The following FSIP2 variants were observed in gnomAD, a reference collection of about 807,000 sequenced individuals.
FSIP2 encodes the protein fibrous sheath-interacting protein 2.
FSIP2 carries 367 observed loss-of-function variants against 510.5 expected under a neutral mutation model. The ratio of observed to expected loss-of-function variants is 0.72; its 90% CI spans 0.66 to 0.78. The LOEUF is 0.78. Ranked by LOEUF, FSIP2 falls within the 30% of genes least tolerant of loss-of-function variation. The probability of loss-of-function intolerance (pLI) is 0.00; values close to 1 mark genes in which losing one functional copy is unlikely to be tolerated. For synonymous variants in FSIP2, 2,601 were observed against 2,732.2 expected (o/e 0.95, Z 1.50); for missense variants, 7,594 against 7,901.7 (o/e 0.96, Z 1.48).
chr2:185,795,086 G>A lies in FSIP2; in HGVS notation c.7950G>A (p.Val2650=). The change falls in exon 16 of 23, where the codon GTG becomes GTA. Residue 2650 remains valine (V), a synonymous_variant. Transcript: ENST00000424728. Reference sequence around the variant, plus strand: ...ATTTTGTCTCACTTCCTTTAAAGGTGAGCCCTAAGGACAACCCTAAGCCAT... The same window carrying A: ...ATTTTGTCTCACTTCCTTTAAAGGTAAGCCCTAAGGACAACCCTAAGCCAT... The part of the protein sequence containing the change: ...ITNFVSLPLK[V]SPKDNPKPCF... 6.5e-7 allele frequency: 1 copy of A among 1,534,696 alleles called. No individual in the cohort carries two copies. Among genetic ancestry groups the A allele is most frequent in the Non-Finnish European group, 8.7e-7 (1 of 1,146,022 alleles).
intron 19 of FSIP2, among the ~76,000 whole-genome samples, chr2:185,815,967 G>T (rs1267945922): frequency 2.0e-5 from 3 of 151,994 alleles, no homozygotes; most frequent in East Asian, 3.9e-4. Context: ...ATACACAAGT[G>T]AAAGACAATC....
chr2:185,777,957 TTAAAATAAA>T (rs1338539939), intron 13 of FSIP2, among the ~76,000 whole-genome samples: 3 of 152,060 alleles, frequency 2.0e-5, no homozygotes, highest in Non-Finnish European at 4.4e-5. Flanking sequence ...GAAGTCACTG[TTAAAATAAA>T]TAACCTAGTT....
In FSIP2 at chr2:185,744,429, ATTTGG is replaced by A; in HGVS notation, c.477+22_477+26del. ...AAGAACAAGTAAGTTAAATACTTAA[ATTTGG>A]TTTATTTACATAGAGTTTGGAAGAA... is the stretch of plus-strand genomic sequence containing the variant. On this transcript the variant is annotated intron_variant, in intron 4 of 22. Transcript: ENST00000424728. 1 of 664,460 alleles carries A rather than the reference ATTTGG, an allele frequency of 1.5e-6. No homozygotes were observed. Among genetic ancestry groups the A allele is most frequent in the Non-Finnish European group, 2.2e-6 (1 of 447,676 alleles). The allele number at this position is 664,460 out of a possible 1,614,324, so 41.2% of individuals were successfully genotyped here. A position where few individuals can be genotyped will look rare whatever the true frequency, so the allele number is the denominator to read the frequency against.
Position 185,799,625 on chromosome 2 carries a change from TA to T in FSIP2, c.10391-70del. 10 of 737,822 alleles carry T rather than the reference TA, an allele frequency of 1.4e-5. 1 individual carries two copies. The allele number at this position is 737,822 out of a possible 1,614,324, so 45.7% of individuals were successfully genotyped here. On this transcript the variant is annotated intron_variant, in intron 16 of 22. Transcript: ENST00000424728. The stretch of plus-strand genomic sequence containing the variant: ...AAGGGTGAAATATATATGTAAATAA[TA>T]ATTTCAAATATATTGAATTTTCTAT...
chr2:185,809,487 T>C (rs960191626), intron 17 of FSIP2, among the ~76,000 whole-genome samples: 1 of 152,090 alleles, frequency 6.6e-6, no homozygotes, highest in Non-Finnish European at 1.5e-5. Flanking sequence ...TATAGTTCCT[T>C]AGTTCGTTAT....
chr2:185,819,384 CAA>C (rs1179456282), intron 19 of FSIP2, among the ~76,000 whole-genome samples: 1 of 151,798 alleles, frequency 6.6e-6, no homozygotes, highest in Non-Finnish European at 1.5e-5. Context: ...ACACTTTAAT[CAA>C]AAGAGATAGA....
chr2:185,773,574 CTG>C (rs1373795497), intron 13 of FSIP2, among the ~76,000 whole-genome samples: 4 of 152,180 alleles, frequency 2.6e-5, no homozygotes, highest in Non-Finnish European at 5.9e-5. Flanking sequence ...GTTTCTAATG[CTG>C]TGTCTTTGAG....
chr2:185,792,997 T>G lies in FSIP2; in HGVS notation c.5861T>G (p.Ile1954Ser). 6.5e-7 allele frequency: 1 copy of G among 1,534,482 alleles called. No homozygotes were observed. The highest frequency in any genetic ancestry group is 8.7e-7 in the Non-Finnish European group (1 of 1,145,696). The change falls in exon 16 of 23, where the codon ATT (isoleucine) becomes AGT (serine). Residue 1954 changes from isoleucine (I) to serine (S), a missense_variant. By Grantham distance (142) the Ile-to-Ser change is moderately radical. Coordinates refer to ENST00000424728, the MANE Select transcript of FSIP2 (RefSeq NM_173651.4). ...VNFTVPVALP[I>S]QQDHSTLSKA... is the part of the protein sequence containing the mutation. ...TTTACAGTTCCAGTGGCTTTACCTA[T>G]TCAGCAAGATCACAGTACATTGAGC... is the stretch of plus-strand genomic sequence containing the variant.
At chr2:185,758,126 A>G (rs977559984) in intron 9 of FSIP2, among the ~76,000 whole-genome samples, 3 of 151,360 alleles carry the variant, frequency 2.0e-5, no homozygotes, top group Non-Finnish European at 4.4e-5. Flanking sequence ...TTTACTCAGC[A>G]TAATACCCTG....
At position 185,793,167 on chromosome 2, in the gene FSIP2, T is replaced by A; in HGVS notation, c.6031T>A (p.Leu2011Ile). 1.3e-6 allele frequency: 2 copies of A among 1,534,088 alleles called. No homozygotes were observed. Among genetic ancestry groups the A allele is most frequent in the Non-Finnish European group, 1.7e-6 (2 of 1,145,520 alleles). The stretch of plus-strand genomic sequence containing the variant: ...TGCACTACAAGTGGCTAGAAGAAAT[T>A]TACAAGGAATCAAACAGGAATTAGA... ...TYALQVARRN[L>I]QGIKQELDKE... Residue 2011 changes from leucine (L) to isoleucine (I), a missense_variant, in exon 16 of 23, where the codon TTA becomes ATA. By Grantham distance (5) the Leu-to-Ile change is conservative. Coordinates refer to ENST00000424728, the MANE Select transcript of FSIP2 (RefSeq NM_173651.4).
chr2:185,775,494 G>A (rs1186166885), intron 13 of FSIP2, among the ~76,000 whole-genome samples: 1 of 151,764 alleles, frequency 6.6e-6, no homozygotes, highest in Non-Finnish European at 1.5e-5. Context: ...TGTCAGATGA[G>A]TAGGTTGCGA....
At chr2:185,742,838 C>A (rs1227834833) in intron 2 of FSIP2, among the ~76,000 whole-genome samples, 1 of 152,150 alleles carries the variant, frequency 6.6e-6, no homozygotes, top group Non-Finnish European at 1.5e-5. Context: ...AAACTATATG[C>A]TATTCCCTTT....
intron 13 of FSIP2, among the ~76,000 whole-genome samples, chr2:185,777,823 T>G (rs1692760726): frequency 6.6e-6 from 1 of 152,124 alleles, no homozygotes; most frequent in South Asian, 2.1e-4. Context: ...TCCTTTCTCA[T>G]AGTATCCTGA....
At chr2:185,788,079 AG>A (rs1693031246) in intron 15 of FSIP2, 1 of 151,664 alleles carries the variant, frequency 6.6e-6, no homozygotes. Flanking sequence ...AATTAACTTT[AG>A]TCATTCCTAT....
chr2:185,802,403 A>G lies in FSIP2; in HGVS notation c.13097A>G (p.Asn4366Ser). The G allele has an allele frequency of 4.6e-6, 7 of 1,533,574 alleles. No individual in the cohort carries two copies. The highest frequency in any genetic ancestry group is 2.0e-5 in the Admixed American group (1 of 50,756). 95.0% of individuals were successfully genotyped at this position (1,533,574 alleles called of 1,614,324 possible). ...DDKEQAFFSF[N>S]TDIVDELATS... ...AAAGAACAGGCTTTCTTTTCTTTCA[A>G]TACAGATATTGTGGATGAACTTGCC... is the stretch of plus-strand genomic sequence containing the variant. The change falls in exon 17 of 23, where the codon AAT becomes AGT. Residue 4366 changes from asparagine (N) to serine (S), a missense_variant. Asn to Ser is a conservative substitution (Grantham distance 46, BLOSUM62 1). Coordinates refer to ENST00000424728, the MANE Select transcript of FSIP2 (RefSeq NM_173651.4).
At chr2:185,743,372 CG>C (rs1691962942) in intron 3 of FSIP2, 78 bp downstream of exon 3, 2 of 875,010 alleles carry the variant, frequency 2.3e-6, no homozygotes, top group Non-Finnish European at 3.2e-6. Context: ...GTACCTCACT[CG>C]GGGGGCCTGT....
Position 185,803,353 on chromosome 2 carries a change from A to C in FSIP2, c.14047A>C (p.Arg4683=). Residue 4683 remains arginine, a synonymous_variant, in exon 17 of 23, where the codon AGA becomes CGA. Transcript: ENST00000424728. ...QVSIIDNTEE[R]LCLPPVERDV... ...TAGCATTATAGATAATACTGAGGAAAGACTGTGTTTACCTCCAGTGGAGAG... is the reference window on the plus strand; with the variant it reads ...TAGCATTATAGATAATACTGAGGAACGACTGTGTTTACCTCCAGTGGAGAG... The C allele has an allele frequency of 2.6e-6, 4 of 1,533,374 alleles. No individual in the cohort carries two copies. Among genetic ancestry groups the C allele is most frequent in the Non-Finnish European group, 3.5e-6 (4 of 1,145,038 alleles). The allele number at this position is 1,533,374 out of a possible 1,614,324, so 95.0% of individuals were successfully genotyped here.
intron 14 of FSIP2, among the ~76,000 whole-genome samples, chr2:185,785,480 A>G (rs566966945): frequency 8.7e-4 from 132 of 152,162 alleles, no homozygotes; most frequent in Middle Eastern, 3.4e-3. Context: ...AGGAGTGCCA[A>G]TTTTCTTAAG....
chr2:185,756,334 GAC>G, intron 9 of FSIP2, 56 bp downstream of exon 9: 1 of 624,748 alleles, frequency 1.6e-6, no homozygotes, highest in East Asian at 3.1e-5. Flanking sequence ...TTGGGGGAAA[GAC>G]AGTTTTGTAA....
Sources: allele counts gnomAD v4.1 joint callset (sites outside exome capture counted in the v4.1 genomes callset), GRCh38; gene constraint gnomAD v4.1.1; transcripts MANE v1.5; gene names NCBI Gene and HGNC (gene_info 2026-07-23, HGNC 2026-07-21).